Variants in SBF2 observed in about 807,000 individuals in gnomAD.
SBF2 encodes the protein SET binding factor 2.
SBF2 carries 112 observed loss-of-function variants against 225.2 expected under a neutral mutation model. The ratio of observed to expected loss-of-function variants is 0.50; its 90% CI spans 0.43 to 0.58. The LOEUF (loss-of-function observed/expected upper bound fraction) is 0.58, where lower values mean the gene tolerates loss of function less well. Among genes scored for constraint, SBF2 ranks in the 20% least tolerant of loss-of-function variants. The pLI is 0.00. For synonymous variants in SBF2, 763 were observed against 773.3 expected (o/e 0.99, Z 0.22); for missense variants, 1,996 against 2,206.2 (o/e 0.90, Z 1.91).
At chr11:9,797,368 TA>T (rs1266755885) in intron 32 of SBF2, among the ~76,000 whole-genome samples, 1 of 152,238 alleles carries the variant, frequency 6.6e-6, no homozygotes, top group Middle Eastern at 3.2e-3. Flanking sequence ...AGTAAAATTT[TA>T]GCTTGTAAGT....
At chr11:9,823,436 A>C (rs1005154320) in intron 28 of SBF2, among the ~76,000 whole-genome samples, 1 of 152,034 alleles carries the variant, frequency 6.6e-6, no homozygotes, top group Admixed American at 6.6e-5. Flanking sequence ...AATGAAAAGA[A>C]TGAAAAAAAT....
intron 7 of SBF2, 48 bp downstream of exon 7, chr11:10,002,509 G>C (rs775786638): frequency 7.0e-7 from 1 of 1,436,598 alleles, no homozygotes; most frequent in South Asian, 1.2e-5. Flanking sequence ...TCAACGATAA[G>C]TGATATGTAG....
At position 9,839,603 on chromosome 11, in the gene SBF2, T is replaced by G; in HGVS notation, c.3350A>C (p.Asp1117Ala). ...GGTTCCTAAACCTAAACGCTGATAG[T>G]CTCTGAAACAAGCTTTTTCCACCAA... ...EQLVEKACFR[D>A]YQRLGLGTIS... Residue 1117 changes from aspartate (D) to alanine (A), a missense_variant, in exon 26 of 40, where the codon GAC becomes GCC. Asp to Ala is a moderately radical substitution (Grantham distance 126, BLOSUM62 -2). Coordinates refer to ENST00000256190, the MANE Select transcript of SBF2 (RefSeq NM_030962.4). The G allele has an allele frequency of 6.2e-7, 1 of 1,614,138 alleles. No individual in the cohort carries two copies. Among genetic ancestry groups the G allele is most frequent in the Non-Finnish European group, 8.5e-7 (1 of 1,180,008 alleles).
chr11:10,075,520 A>G (rs1565201676), intron 2 of SBF2, among the ~76,000 whole-genome samples: 1 of 152,212 alleles, frequency 6.6e-6, no homozygotes, highest in Admixed American at 6.5e-5. Flanking sequence ...TGATTGGATC[A>G]TCGGGGCAGA....
At chr11:10,272,749 A>G (rs1189708535) in intron 1 of SBF2, among the ~76,000 whole-genome samples, 3 of 150,700 alleles carry the variant, frequency 2.0e-5, no homozygotes, top group Non-Finnish European at 3.0e-5. Context: ...TGGGCAACAG[A>G]GCCAGACCTT....
At chr11:9,894,410 G>A (rs1395589258) in intron 17 of SBF2, among the ~76,000 whole-genome samples, 7 of 152,112 alleles carry the variant, frequency 4.6e-5, no homozygotes, top group South Asian at 4.1e-4. Flanking sequence ...CCACCTACTC[G>A]GGAGGCTGAG....
chr11:10,203,281 C>T (rs1957631951), intron 1 of SBF2, among the ~76,000 whole-genome samples: 1 of 152,158 alleles, frequency 6.6e-6, no homozygotes, highest in African/African-American at 2.4e-5. Context: ...AGAAATCACA[C>T]AAGGCCAGGG....
At chr11:10,069,902 G>A (rs1950795054) in intron 2 of SBF2, among the ~76,000 whole-genome samples, 1 of 152,200 alleles carries the variant, frequency 6.6e-6, no homozygotes, top group African/African-American at 2.4e-5. Flanking sequence ...GCATTTCTCT[G>A]ATGACCAATG....
intron 1 of SBF2, among the ~76,000 whole-genome samples, chr11:10,207,517 T>G (rs1418031617): frequency 6.6e-6 from 1 of 152,156 alleles, no homozygotes; most frequent in African/African-American, 2.4e-5. Flanking sequence ...TCTTCATGCT[T>G]ATTCCAACAA....
chr11:9,822,184 T>TA (rs1349012381), intron 28 of SBF2, among the ~76,000 whole-genome samples: 1 of 152,160 alleles, frequency 6.6e-6, no homozygotes. Context: ...CACTGAGAAT[T>TA]AAGAGGTTTC....
chr11:10,128,327 C>T (rs769948181), intron 2 of SBF2, among the ~76,000 whole-genome samples: 37 of 152,302 alleles, frequency 2.4e-4, no homozygotes, highest in Non-Finnish European at 4.0e-4. Context: ...GTATACTGCG[C>T]ACAAATTTGG....
intron 1 of SBF2, among the ~76,000 whole-genome samples, chr11:10,242,553 A>G (rs1192783544): frequency 6.6e-6 from 1 of 152,140 alleles, no homozygotes; most frequent in Non-Finnish European, 1.5e-5. Context: ...AAGTAATGAA[A>G]GGAGTTAAAA....
chr11:9,930,147 A>G (rs761611562), intron 16 of SBF2, among the ~76,000 whole-genome samples: 2 of 152,184 alleles, frequency 1.3e-5, no homozygotes, highest in African/African-American at 2.4e-5. Context: ...AGAAATTAAT[A>G]TAAAGAATTT....
chr11:9,806,025 T>G (rs1853824102), intron 32 of SBF2, among the ~76,000 whole-genome samples: 1 of 152,230 alleles, frequency 6.6e-6, no homozygotes, highest in South Asian at 2.1e-4. Context: ...TATTGTCTAT[T>G]ATATTCCAGA....
intron 16 of SBF2, among the ~76,000 whole-genome samples, chr11:9,901,694 G>C (rs1335421201): frequency 1.3e-5 from 2 of 152,078 alleles, no homozygotes; most frequent in Non-Finnish European, 2.9e-5. Context: ...CTGGAGGCTG[G>C]AGTGCTGTGG....
intron 1 of SBF2, among the ~76,000 whole-genome samples, chr11:10,208,196 A>G (rs906959122): frequency 1.6e-4 from 22 of 139,102 alleles, no homozygotes; most frequent in Non-Finnish European, 2.7e-4. Context: ...TCCTGGCTCT[A>G]AACTTCAGGC....
intron 2 of SBF2, among the ~76,000 whole-genome samples, chr11:10,046,967 C>T (rs945834179): frequency 1.3e-5 from 2 of 150,872 alleles, no homozygotes; most frequent in African/African-American, 4.9e-5. Context: ...AAATCAACCA[C>T]TTTTCCTTTA....
chr11:10,230,744 T>G (rs1236467490), intron 1 of SBF2, among the ~76,000 whole-genome samples: 1 of 152,182 alleles, frequency 6.6e-6, no homozygotes, highest in East Asian at 1.9e-4. Context: ...GCCTTAACAT[T>G]TTTTCCTTCA....
intron 6 of SBF2, among the ~76,000 whole-genome samples, chr11:10,003,373 T>C (rs1224858270): frequency 2.8e-5 from 1 of 35,328 alleles, no homozygotes; most frequent in African/African-American, 6.5e-5. Flanking sequence ...TTCTTTTTTC[T>C]TTTTTTTTTT....
Sources: gnomAD v4.1 joint callset for allele counts (sites outside exome capture counted in the v4.1 genomes callset) on GRCh38, gnomAD v4.1.1 for gene constraint, MANE v1.5 for transcripts, NCBI Gene and HGNC (gene_info 2026-07-23, HGNC 2026-07-21) for gene names.